The following WDSUB1 variants were observed in gnomAD, a reference collection of about 807,000 sequenced individuals.
WDSUB1 encodes WD repeat, SAM and U-box domain-containing protein 1.
Under a neutral mutation model 53.9 loss-of-function variants are expected in WDSUB1, and 49 were observed. The ratio of observed to expected loss-of-function variants is 0.91; its 90% confidence interval spans 0.72 to 1.15. The LOEUF (loss-of-function observed/expected upper bound fraction) is 1.15, where lower values mean the gene tolerates loss of function less well. Among genes scored for constraint, WDSUB1 ranks in the 50% most tolerant of loss-of-function variants. The pLI is 0.00. For synonymous variants in WDSUB1, 194 were observed against 200.6 expected (o/e 0.97, Z 0.28); for missense variants, 514 against 562.0 (o/e 0.91, Z 0.86).
intron 2 of WDSUB1, among the ~76,000 whole-genome samples, chr2:159,280,708 A>AAAAAAAAAAAAAC (rs111752652): frequency 1.5e-5 from 2 of 134,320 alleles, no homozygotes; most frequent in African/African-American, 3.4e-5. Flanking sequence ...AAAAAAAAAA[A>AAAAAAAAAAAAAC]ATTACCCAGA....
chr2:159,238,654 A>T (rs2060553604), intron 10 of WDSUB1, among the ~76,000 whole-genome samples: 1 of 152,208 alleles, frequency 6.6e-6, no homozygotes, highest in Non-Finnish European at 1.5e-5. Flanking sequence ...TCTGGATTTT[A>T]AACTTTTCCA....
chr2:159,270,146 T>A (rs1036485223), intron 5 of WDSUB1, among the ~76,000 whole-genome samples: 8 of 152,192 alleles, frequency 5.3e-5, no homozygotes, highest in African/African-American at 1.9e-4. Context: ...TATTTCCTTA[T>A]ATTGGCCACA....
At chr2:159,285,714 A>T (rs2061779188) in intron 1 of WDSUB1, among the ~76,000 whole-genome samples, 1 of 152,156 alleles carries the variant, frequency 6.6e-6, no homozygotes, top group Non-Finnish European at 1.5e-5. Flanking sequence ...AATCAATCAA[A>T]CAAATATTAA....
chr2:159,277,904 A>G (rs1312339349), intron 3 of WDSUB1, among the ~76,000 whole-genome samples: 2 of 152,184 alleles, frequency 1.3e-5, no homozygotes, highest in Non-Finnish European at 2.9e-5. Context: ...AGTGTATAAT[A>G]TGTTCTAAAG....
intron 5 of WDSUB1, 103 bp downstream of exon 5, chr2:159,271,599 G>T: frequency 1.0e-6 from 1 of 978,016 alleles, no homozygotes; most frequent in Non-Finnish European, 1.6e-6. Flanking sequence ...CTTGACCTTT[G>T]TGGTGGCTCA....
intron 4 of WDSUB1, 64 bp downstream of exon 4, chr2:159,275,482 G>T: frequency 7.5e-7 from 1 of 1,338,070 alleles, no homozygotes; most frequent in Non-Finnish European, 1.0e-6. Flanking sequence ...TAAGTAAAAA[G>T]ATTAAATAGA....
chr2:159,239,937 A>G (rs1355262235), intron 10 of WDSUB1, among the ~76,000 whole-genome samples: 1 of 152,148 alleles, frequency 6.6e-6, no homozygotes, highest in African/African-American at 2.4e-5. Context: ...AGAAACTGTT[A>G]CCTGTGACTG....
At chr2:159,236,428 A>G (rs1575413945) in intron 10 of WDSUB1, among the ~76,000 whole-genome samples, 1 of 152,338 alleles carries the variant, frequency 6.6e-6, no homozygotes, top group East Asian at 1.9e-4. Flanking sequence ...AACACTTTGA[A>G]CAGTACCACT....
chr2:159,282,279 G>A (rs1249268639), intron 2 of WDSUB1, among the ~76,000 whole-genome samples: 2 of 150,100 alleles, frequency 1.3e-5, no homozygotes, highest in African/African-American at 4.9e-5. Context: ...TGCAAGCTCC[G>A]CCTCCTGGGT....
Position 159,248,519 on chromosome 2 carries a change from A to C in WDSUB1, c.1133-7T>G. On this transcript the variant is annotated splice_polypyrimidine_tract_variant and splice_region_variant and intron_variant, in intron 9 of 10. Coordinates refer to ENST00000359774, the MANE Select transcript of WDSUB1 (RefSeq NM_001128212.3). ...CTACGCAGTCCTAGAGATTCTGAAAAGAAATTACTGTTAGGGCTGGATAAC... is the reference window on the plus strand; with the variant it reads ...CTACGCAGTCCTAGAGATTCTGAAACGAAATTACTGTTAGGGCTGGATAAC... The C allele has an allele frequency of 6.7e-7, 1 of 1,492,062 alleles. No individual in the cohort carries two copies. The highest frequency in any genetic ancestry group is 8.9e-7 in the Non-Finnish European group (1 of 1,127,512). The allele number at this position is 1,492,062 out of a possible 1,614,324, so 92.4% of individuals were successfully genotyped here.
intron 5 of WDSUB1, among the ~76,000 whole-genome samples, chr2:159,267,481 T>G (rs1395145341): frequency 6.6e-6 from 1 of 152,000 alleles, no homozygotes; most frequent in Non-Finnish European, 1.5e-5. Flanking sequence ...CTTTAATTTT[T>G]TTTTGTAGGG....
At chr2:159,238,439 T>C (rs998961260) in intron 10 of WDSUB1, among the ~76,000 whole-genome samples, 2 of 152,192 alleles carry the variant, frequency 1.3e-5, no homozygotes, top group African/African-American at 4.8e-5. Context: ...TACAAGCCGC[T>C]GCGCTCTGCA....
intron 9 of WDSUB1, among the ~76,000 whole-genome samples, chr2:159,254,530 C>T (rs940791846): frequency 6.6e-6 from 1 of 152,192 alleles, no homozygotes; most frequent in Non-Finnish European, 1.5e-5. Context: ...CAGAGGACTC[C>T]AGCCTGGGCA....
chr2:159,237,410 A>G (rs887024214), intron 10 of WDSUB1, among the ~76,000 whole-genome samples: 1 of 152,024 alleles, frequency 6.6e-6, no homozygotes, highest in Non-Finnish European at 1.5e-5. Flanking sequence ...AATTCCAGCT[A>G]CTCAGGAGGC....
In WDSUB1 at chr2:159,271,691, A is replaced by C. The variant is rs11891627; in HGVS notation, c.770+11T>G. ...AAAAATGGTTTAGGAAAATTAAACC[A>C]ACTAGCTTACCCTGAGACTAGCATC... On this transcript the variant is annotated intron_variant, in intron 5 of 10. Coordinates refer to ENST00000359774, the MANE Select transcript of WDSUB1 (RefSeq NM_001128212.3). The C allele has an allele frequency of 0.071, 114,869 of 1,611,074 alleles. 9,685 individuals carry two copies. Among genetic ancestry groups the C allele is most frequent in the African/African-American group, 0.39 (29,276 of 74,750 alleles).
At chr2:159,256,398 GTGAGATAACAAAAAA>G in intron 8 of WDSUB1, 23 bp from the exon 9 acceptor site, 2 of 1,579,892 alleles carry the variant, frequency 1.3e-6, no homozygotes, top group Non-Finnish European at 1.7e-6. Context: ...AAACAAGTAA[GTGAGATAACAAAAAA>G]GTATTTCCTT....
rs529190703 is a variant in WDSUB1 at position 159,257,231 on chromosome 2, G to A, written c.952+527C>T. On this transcript the variant is annotated intron_variant, in intron 8 of 10. Coordinates refer to ENST00000359774, the MANE Select transcript of WDSUB1 (RefSeq NM_001128212.3). ...TGCCCAAGCTAATCTCAGACTCCTG[G>A]GCTCACGCAATCCATCCACCTCGGC... is the stretch of plus-strand genomic sequence containing the variant. Among the ~76,000 whole-genome samples, 3 of 152,016 alleles carry A rather than the reference G, an allele frequency of 2.0e-5. No individual in the cohort carries two copies. The East Asian group carries it at 5.8e-4, about 29-fold the overall frequency.
At chr2:159,260,179 C>T (rs1164670564) in intron 5 of WDSUB1, among the ~76,000 whole-genome samples, 1 of 151,972 alleles carries the variant, frequency 6.6e-6, no homozygotes, top group East Asian at 1.9e-4. Flanking sequence ...GTGGCGTGCA[C>T]CTGTAATCCC....
intron 9 of WDSUB1, among the ~76,000 whole-genome samples, chr2:159,253,395 TATTATCCTTG>T (rs1264450155): frequency 6.6e-6 from 1 of 152,224 alleles, no homozygotes; most frequent in African/African-American, 2.4e-5. Context: ...AGAAAATGAC[TATTATCCTTG>T]GGTAAAGCTC....
Sources: allele counts gnomAD v4.1 joint callset (sites outside exome capture counted in the v4.1 genomes callset), GRCh38; gene constraint gnomAD v4.1.1; transcripts MANE v1.5; gene names NCBI Gene and HGNC (gene_info 2026-07-23, HGNC 2026-07-21).